The following ZNF664 variants were observed in gnomAD, a reference collection of about 807,000 sequenced individuals.
The protein encoded by ZNF664 is zinc finger protein 664.
In ZNF664, 10 loss-of-function variants were observed where a neutral mutation model predicts 18.2. That is an observed-to-expected ratio of 0.55 (90% CI 0.34 to 0.93). ZNF664 has a LOEUF of 0.93. ZNF664 is among the 40% of genes least tolerant of loss of function. The pLI, the probability that ZNF664 is intolerant of heterozygous loss-of-function variation, is 0.02. For missense variants in ZNF664, 193 were observed against 319.0 expected (o/e 0.61, Z 3.01); for synonymous variants, 119 against 104.2 (o/e 1.14, Z -0.86).
Position 124,014,464 on chromosome 12 carries a change from T to C in ZNF664, c.*1534T>C, listed in dbSNP as rs1028931737. On this transcript the variant is annotated 3_prime_UTR_variant, in exon 5 of 5. Transcript: ENST00000337815. ...AACTCATGTGGAGGAACTCAAGGAA[T>C]GTTTAGAAGACCAAAAGTCCCCAAT... is the stretch of plus-strand genomic sequence containing the variant. 1.2e-5 allele frequency: 2 copies of C among 167,122 alleles called. No homozygotes were observed. Among genetic ancestry groups the C allele is most frequent in the Admixed American group, 6.5e-5 (1 of 15,298 alleles). The allele number at this position is 167,122 out of a possible 1,614,324, so 10.4% of individuals were successfully genotyped here. A position where few individuals can be genotyped will look rare whatever the true frequency, so the allele number is the denominator to read the frequency against.
rs1297847039 is a variant in ZNF664 at position 124,012,606 on chromosome 12, C to T, written c.462C>T (p.His154=). ...AAGAGTGTGGGAAGGCCTTCAGGCACACCTCCAGCCTCTGCATGCATCAAA... is the reference window on the plus strand; with the variant it reads ...AAGAGTGTGGGAAGGCCTTCAGGCATACCTCCAGCCTCTGCATGCATCAAA... ...KCEECGKAFR[H]TSSLCMHQRV... The change falls in exon 5 of 5, where the codon CAC becomes CAT. Residue 154 remains histidine, a synonymous_variant. Coordinates refer to ENST00000337815, the MANE Select transcript of ZNF664 (RefSeq NM_152437.3). The T allele has an allele frequency of 6.2e-7, 1 of 1,613,342 alleles. No individual in the cohort carries two copies. The highest frequency in any genetic ancestry group is 1.7e-5 in the Admixed American group (1 of 59,988).
intron 3 of ZNF664, among the ~76,000 whole-genome samples, chr12:124,010,869 G>GGAGT (rs1245045942): frequency 6.6e-6 from 1 of 152,198 alleles, no homozygotes; most frequent in Admixed American, 6.5e-5. Flanking sequence ...AGTAGGGGAG[G>GGAGT]GAGTGGCTTA....
At chr12:123,993,589 G>A (rs942873348) in intron 3 of ZNF664, among the ~76,000 whole-genome samples, 7 of 152,176 alleles carry the variant, frequency 4.6e-5, no homozygotes, top group African/African-American at 1.7e-4. Context: ...TACAACATCT[G>A]CTGTGTTCCC....
intron 2 of ZNF664, among the ~76,000 whole-genome samples, chr12:123,975,671 C>T (rs1956681768): frequency 6.6e-6 from 1 of 152,198 alleles, no homozygotes; most frequent in South Asian, 2.1e-4. Context: ...TAAAGCAGTC[C>T]TCCCAAAGTG....
At chr12:123,988,915 G>T (rs903720797) in intron 3 of ZNF664, among the ~76,000 whole-genome samples, 1 of 152,136 alleles carries the variant, frequency 6.6e-6, no homozygotes, top group African/African-American at 2.4e-5. Context: ...TCATGAAATT[G>T]TATGTTATTT....
At position 123,973,366 on chromosome 12, in the gene ZNF664, G is replaced by T. The variant is rs111949870; in HGVS notation, c.-892+14G>T. ...CCCTCACTTGGAGTGAGTTCTCGGC[G>T]GCCGGGCTGCAGTCTTTCTTTCTTT... is the stretch of plus-strand genomic sequence containing the variant. On this transcript the variant is annotated intron_variant, in intron 1 of 4. Transcript: ENST00000337815. 1 of 963,836 alleles carries T rather than the reference G, an allele frequency of 1.0e-6. No individual in the cohort carries two copies. The highest frequency in any genetic ancestry group is 1.2e-6 in the Non-Finnish European group (1 of 817,130). The allele number at this position is 963,836 out of a possible 1,614,324, so 59.7% of individuals were successfully genotyped here. A position where few individuals can be genotyped will look rare whatever the true frequency, so the allele number is the denominator to read the frequency against.
intron 3 of ZNF664, among the ~76,000 whole-genome samples, chr12:123,997,073 T>A (rs1176229321): frequency 6.6e-6 from 1 of 152,188 alleles, no homozygotes; most frequent in Non-Finnish European, 1.5e-5. Flanking sequence ...ATAAAGATTT[T>A]CTATGAAATG....
intron 3 of ZNF664, among the ~76,000 whole-genome samples, chr12:123,995,551 T>C (rs778428661): frequency 6.7e-5 from 10 of 148,482 alleles, no homozygotes; most frequent in Middle Eastern, 6.9e-3. Flanking sequence ...ACTCAGGCTT[T>C]GGAGAAGGAG....
chr12:123,987,946 G>A, intron 2 of ZNF664, 97 bp from the exon 3 acceptor site: 1 of 1,227,170 alleles, frequency 8.1e-7, no homozygotes, highest in South Asian at 4.2e-5. Context: ...TCTGAGCTGG[G>A]ACCCCACGTT....
At chr12:124,010,292 T>C (rs1957121344) in intron 3 of ZNF664, among the ~76,000 whole-genome samples, 1 of 152,232 alleles carries the variant, frequency 6.6e-6, no homozygotes, top group Admixed American at 6.5e-5. Flanking sequence ...ATGCATGTTC[T>C]CTTTGTATGG....
intron 3 of ZNF664, among the ~76,000 whole-genome samples, chr12:124,000,165 G>A (rs1448106224): frequency 6.6e-6 from 1 of 152,114 alleles, no homozygotes; most frequent in East Asian, 1.9e-4. Context: ...GCCCACCCTC[G>A]ATGCTGCTGG....
At chr12:123,976,275 G>A (rs946332051) in intron 2 of ZNF664, among the ~76,000 whole-genome samples, 1 of 152,162 alleles carries the variant, frequency 6.6e-6, no homozygotes, top group African/African-American at 2.4e-5. Flanking sequence ...AGGGGCCTAG[G>A]AAAGACTTTT....
At chr12:123,986,350 C>T (rs996791608) in intron 2 of ZNF664, among the ~76,000 whole-genome samples, 1 of 152,224 alleles carries the variant, frequency 6.6e-6, no homozygotes, top group African/African-American at 2.4e-5. Context: ...ACAGTCTTCC[C>T]ATGGACAGTG....
chr12:124,005,056 G>A (rs1162679308), intron 3 of ZNF664: 1 of 153,338 alleles, frequency 6.5e-6, no homozygotes, highest in East Asian at 1.9e-4. Context: ...CCCAGTCTGT[G>A]GAAAAATTGT....
intron 2 of ZNF664, among the ~76,000 whole-genome samples, chr12:123,975,282 C>G (rs1260527815): frequency 6.6e-6 from 1 of 152,146 alleles, no homozygotes; most frequent in Non-Finnish European, 1.5e-5. Flanking sequence ...TCACAGAGCA[C>G]TACAGATAGT....
At chr12:124,004,233 T>G (rs938210421) in intron 3 of ZNF664, among the ~76,000 whole-genome samples, 1 of 151,318 alleles carries the variant, frequency 6.6e-6, no homozygotes, top group African/African-American at 2.4e-5. Flanking sequence ...AAGAGAGAGG[T>G]GAACCTGGGT....
intron 3 of ZNF664, among the ~76,000 whole-genome samples, chr12:123,992,621 G>A (rs1267914452): frequency 1.3e-5 from 2 of 152,164 alleles, no homozygotes; most frequent in Admixed American, 1.3e-4. Flanking sequence ...GTAAGGGAGC[G>A]TTTGGATTCC....
chr12:124,002,766 G>T (rs1050025074), intron 3 of ZNF664, among the ~76,000 whole-genome samples: 2 of 152,174 alleles, frequency 1.3e-5, no homozygotes, highest in Admixed American at 6.5e-5. Context: ...AAATGTGGTT[G>T]TAGTGCCTTT....
In ZNF664 at chr12:124,011,677, A is replaced by C. The variant is rs1957137305; in HGVS notation, c.-468A>C. On this transcript the variant is annotated 5_prime_UTR_variant, in exon 5 of 5. Transcript: ENST00000337815. The stretch of plus-strand genomic sequence containing the variant: ...GGCAGAATGCCAAACTGACTCTTCA[A>C]GGGGCAACTGCAGGGGCTCGAGACC... The C allele has an allele frequency of 3.0e-6, 3 of 1,007,686 alleles. No individual in the cohort carries two copies. The highest frequency in any genetic ancestry group is 5.8e-5 in the Admixed American group (1 of 17,264). The allele number at this position is 1,007,686 out of a possible 1,614,324, so 62.4% of individuals were successfully genotyped here. A position where few individuals can be genotyped will look rare whatever the true frequency, so the allele number is the denominator to read the frequency against.
Sources: gnomAD v4.1 joint callset for allele counts (sites outside exome capture counted in the v4.1 genomes callset) on GRCh38, gnomAD v4.1.1 for gene constraint, MANE v1.5 for transcripts, NCBI Gene and HGNC (gene_info 2026-07-23, HGNC 2026-07-21) for gene names.